Variants in SLC13A1 observed in about 807,000 individuals in gnomAD.
SLC13A1 encodes the protein solute carrier family 13 member 1, also known as Na(+)/sulfate cotransporter.
SLC13A1 carries 65 observed loss-of-function variants against 70.0 expected under a neutral mutation model. The ratio of observed to expected loss-of-function variants is 0.93; its 90% CI spans 0.76 to 1.14. SLC13A1 has a LOEUF of 1.14. SLC13A1 is among the 50% of genes most tolerant of loss of function. SLC13A1 has a pLI of 0.00. For missense variants in SLC13A1, 726 were observed against 717.8 expected (o/e 1.01, Z -0.13); for synonymous variants, 275 against 250.5 (o/e 1.10, Z -0.92).
At chr7:123,198,715 C>A (rs1215812728) in intron 1 of SLC13A1, among the ~76,000 whole-genome samples, 1 of 152,020 alleles carries the variant, frequency 6.6e-6, no homozygotes, top group African/African-American at 2.4e-5. Context: ...GAGGGACCAC[C>A]ATATTATAGT....
Position 123,147,294 on chromosome 7 carries a change from G to A in SLC13A1, c.677C>T (p.Thr226Ile). ...VELEKNSGMR[T>I]KYRTKKGHVT... The stretch of plus-strand genomic sequence containing the variant: ...GTGGCCCTTCTTTGTTCGATATTTG[G>A]TTCTCATGCCTGAGTTCTGTTCAAC... The change falls in exon 7 of 15, where the codon ACC becomes ATC. Residue 226 changes from threonine to isoleucine, a missense_variant. Transcript: ENST00000194130. 6.2e-7 allele frequency: 1 copy of A among 1,613,354 alleles called. No individual in the cohort carries two copies. Among genetic ancestry groups the A allele is most frequent in the African/African-American group, 1.3e-5 (1 of 74,976 alleles).
chr7:123,129,322 CTCTGTGTG>C, intron 9 of SLC13A1, 53 bp downstream of exon 9: 5 of 951,674 alleles, frequency 5.3e-6, no homozygotes, highest in Admixed American at 6.1e-5. Context: ...TTTCTCTCTT[CTCTGTGTG>C]TGTGTGTGTG....
chr7:123,179,807 A>C, intron 2 of SLC13A1, among the ~76,000 whole-genome samples: 1 of 130,096 alleles, frequency 7.7e-6, no homozygotes, highest in South Asian at 2.5e-4. Context: ...CAAAGGTATA[A>C]CTGTTAAAAA....
chr7:123,132,484 G>T (rs938143102), intron 8 of SLC13A1, among the ~76,000 whole-genome samples: 3 of 152,044 alleles, frequency 2.0e-5, no homozygotes, highest in Non-Finnish European at 4.4e-5. Context: ...TGATTCTCCT[G>T]CCTCAGCCTC....
intron 7 of SLC13A1, among the ~76,000 whole-genome samples, chr7:123,137,238 G>A (rs1182878757): frequency 6.6e-6 from 1 of 152,132 alleles, no homozygotes; most frequent in East Asian, 1.9e-4. Context: ...TCCAAGATAT[G>A]CCTCAAATTT....
intron 11 of SLC13A1, among the ~76,000 whole-genome samples, chr7:123,124,705 GTGTT>G (rs939476939): frequency 6.6e-6 from 1 of 152,160 alleles, no homozygotes; most frequent in African/African-American, 2.4e-5. Flanking sequence ...GTGTGTGTGT[GTGTT>G]GAGAGGATGG....
intron 8 of SLC13A1, among the ~76,000 whole-genome samples, chr7:123,131,943 G>T (rs1028988853): frequency 7.2e-5 from 11 of 152,010 alleles, no homozygotes; most frequent in Non-Finnish European, 1.6e-4. Flanking sequence ...AATGACAATG[G>T]TTGCATATAT....
At chr7:123,125,031 C>A (rs1243275404) in intron 11 of SLC13A1, among the ~76,000 whole-genome samples, 1 of 152,100 alleles carries the variant, frequency 6.6e-6, no homozygotes, top group Non-Finnish European at 1.5e-5. Flanking sequence ...ATCCTCCTGC[C>A]TCAGTCTCCC....
At chr7:123,196,669 A>G (rs1321625307) in intron 1 of SLC13A1, among the ~76,000 whole-genome samples, 3 of 152,126 alleles carry the variant, frequency 2.0e-5, no homozygotes, top group Non-Finnish European at 4.4e-5. Context: ...TTCAGTGGTT[A>G]GAATCACTGC....
intron 6 of SLC13A1, among the ~76,000 whole-genome samples, chr7:123,149,210 C>T (rs1324384307): frequency 6.6e-6 from 1 of 152,042 alleles, no homozygotes; most frequent in Non-Finnish European, 1.5e-5. Flanking sequence ...TCAAATGATC[C>T]CACATGACAC....
chr7:123,195,878 T>C (rs996534867), intron 1 of SLC13A1, among the ~76,000 whole-genome samples: 3 of 152,054 alleles, frequency 2.0e-5, no homozygotes, highest in African/African-American at 7.2e-5. Context: ...GTAAGCTAGA[T>C]AGAATAGGTA....
intron 6 of SLC13A1, among the ~76,000 whole-genome samples, chr7:123,162,311 T>C (rs1432396359): frequency 6.6e-6 from 1 of 152,176 alleles, no homozygotes; most frequent in Non-Finnish European, 1.5e-5. Flanking sequence ...GAAAAATGTT[T>C]TGTGAGACCA....
intron 1 of SLC13A1, among the ~76,000 whole-genome samples, chr7:123,199,337 T>A (rs930322549): frequency 6.6e-6 from 1 of 152,094 alleles, no homozygotes; most frequent in African/African-American, 2.4e-5. Flanking sequence ...GGGAAATTAC[T>A]CTAAGCTTTC....
At chr7:123,155,786 C>T (rs1794689814) in intron 6 of SLC13A1, among the ~76,000 whole-genome samples, 2 of 152,064 alleles carry the variant, frequency 1.3e-5, no homozygotes, top group South Asian at 4.1e-4. Flanking sequence ...CATCATCTGG[C>T]CTTCTGCCTG....
At chr7:123,140,725 G>C (rs977117145) in intron 7 of SLC13A1, among the ~76,000 whole-genome samples, 3 of 152,036 alleles carry the variant, frequency 2.0e-5, no homozygotes, top group African/African-American at 7.2e-5. Context: ...GCTGCTCATA[G>C]TCACTACTAA....
Position 123,168,579 on chromosome 7 carries a change from A to C in SLC13A1, c.554-18T>G. On this transcript the variant is annotated intron_variant, in intron 4 of 14. Transcript: ENST00000194130. ...AACACTTTCTGCAAAACATTAAATA[A>C]AAGAAAAACAATTTAAATAAGGGAT... The C allele has an allele frequency of 6.4e-7, 1 of 1,564,564 alleles. No individual in the cohort carries two copies. The highest frequency in any genetic ancestry group is 1.4e-5 in the African/African-American group (1 of 73,714).
intron 6 of SLC13A1, among the ~76,000 whole-genome samples, chr7:123,161,327 A>C (rs1297214337): frequency 6.6e-6 from 1 of 151,748 alleles, no homozygotes; most frequent in Non-Finnish European, 1.5e-5. Context: ...AATGTTAGAA[A>C]TAAAGACATA....
chr7:123,196,672 A>C (rs1016323163), intron 1 of SLC13A1, among the ~76,000 whole-genome samples: 3 of 152,106 alleles, frequency 2.0e-5, no homozygotes, highest in Non-Finnish European at 4.4e-5. Context: ...AGTGGTTAGA[A>C]TCACTGCAAC....
At chr7:123,156,638 TA>T (rs1460866581) in intron 6 of SLC13A1, among the ~76,000 whole-genome samples, 3 of 152,300 alleles carry the variant, frequency 2.0e-5, no homozygotes, top group Middle Eastern at 3.4e-3. Flanking sequence ...TCTAATGGTT[TA>T]AAATGTCTAT....
Sources: allele counts gnomAD v4.1 joint callset (sites outside exome capture counted in the v4.1 genomes callset), GRCh38; gene constraint gnomAD v4.1.1; transcripts MANE v1.5; gene names NCBI Gene and HGNC (gene_info 2026-07-23, HGNC 2026-07-21).